Variants in MCPH1 observed in about 807,000 individuals in gnomAD.
The protein encoded by MCPH1 is microcephalin 1.
MCPH1 carries 104 observed loss-of-function variants against 84.5 expected under a neutral mutation model. That is an observed-to-expected ratio of 1.23 (90% CI 1.05 to 1.45). MCPH1 has a LOEUF of 1.45. MCPH1 is among the 40% of genes most tolerant of loss of function. The probability of loss-of-function intolerance (pLI) is 0.00; values close to 1 mark genes in which losing one functional copy is unlikely to be tolerated. For missense variants in MCPH1, 1,498 were observed against 1,005.7 expected, an observed-to-expected ratio of 1.49 and a Z score of -6.62; for synonymous variants, 514 against 366.8, an observed-to-expected ratio of 1.40 and a Z score of -4.58.
At chr8:6,422,326 G>A (rs1404266683) in intron 3 of MCPH1, among the ~76,000 whole-genome samples, 1 of 100,738 alleles carries the variant, frequency 9.9e-6, no homozygotes, top group African/African-American at 2.6e-5. Context: ...AAATATCATG[G>A]GGGAAAATGA....
intron 4 of MCPH1, among the ~76,000 whole-genome samples, chr8:6,434,203 G>A (rs1421898814): frequency 1.3e-5 from 2 of 152,194 alleles, no homozygotes; most frequent in Non-Finnish European, 2.9e-5. Context: ...TGCTAGAGAA[G>A]ATTCACAGGA....
intron 8 of MCPH1, chr8:6,446,564 T>G: frequency 1.0e-6 from 1 of 982,702 alleles, no homozygotes; most frequent in African/African-American, 1.7e-5. Flanking sequence ...GACAAGAAAC[T>G]GTATTTTATG....
At chr8:6,591,867 A>G (rs921323231) in intron 12 of MCPH1, among the ~76,000 whole-genome samples, 2 of 152,196 alleles carry the variant, frequency 1.3e-5, no homozygotes, top group South Asian at 2.1e-4. Flanking sequence ...AAGTGAGTCT[A>G]TCTATATGTA....
At chr8:6,505,306 TA>T (rs1813210149) in intron 12 of MCPH1, among the ~76,000 whole-genome samples, 1 of 55,108 alleles carries the variant, frequency 1.8e-5, no homozygotes, top group African/African-American at 9.3e-5. Flanking sequence ...TATATATGTA[TA>T]TAACATATAT....
At chr8:6,598,251 G>A (rs1829078046) in intron 12 of MCPH1, among the ~76,000 whole-genome samples, 1 of 152,192 alleles carries the variant, frequency 6.6e-6, no homozygotes, top group Admixed American at 6.5e-5. Context: ...GAGCCAGGGT[G>A]GGGAAGAGGG....
At chr8:6,581,440 G>A (rs1374143913) in intron 12 of MCPH1, among the ~76,000 whole-genome samples, 1 of 152,190 alleles carries the variant, frequency 6.6e-6, no homozygotes, top group Non-Finnish European at 1.5e-5. Context: ...ATCATGTGGT[G>A]AATATGATCA....
chr8:6,639,958 C>G (rs1465717412), intron 13 of MCPH1, among the ~76,000 whole-genome samples: 1 of 152,036 alleles, frequency 6.6e-6, no homozygotes, highest in Non-Finnish European at 1.5e-5. Context: ...AGGCTGGCCT[C>G]AAACTCTTGG....
chr8:6,542,208 G>C (rs557003989), intron 12 of MCPH1, among the ~76,000 whole-genome samples: 1 of 152,198 alleles, frequency 6.6e-6, no homozygotes, highest in Non-Finnish European at 1.5e-5. Context: ...AAATGTCTCA[G>C]TGTTTTTCTA....
At chr8:6,527,446 C>G in intron 12 of MCPH1, 5 of 1,382,724 alleles carry the variant, frequency 3.6e-6, no homozygotes, top group Non-Finnish European at 4.9e-6. Context: ...CTGACCCTTA[C>G]ACTAGACATG....
intron 13 of MCPH1, among the ~76,000 whole-genome samples, chr8:6,631,814 G>T (rs1201774264): frequency 6.6e-6 from 1 of 152,200 alleles, no homozygotes; most frequent in Non-Finnish European, 1.5e-5. Context: ...ATTACTGTAT[G>T]ATCCAACAAT....
At position 6,445,455 on chromosome 8, in the gene MCPH1, C is replaced by T. The variant is rs916159570; in HGVS notation, c.1733C>T (p.Ala578Val). ...ATATCAAACTCCTCTGAAGGCGAAG[C>T]CCAGAGTGAACATGAGCCATGTTTT... is the stretch of plus-strand genomic sequence containing the variant. ...SKISNSSEGE[A>V]QSEHEPCFIV... Residue 578 changes from alanine to valine, a missense_variant, in exon 8 of 14, where the codon GCC becomes GTC. By Grantham distance (64) the Ala-to-Val change is moderately conservative. Coordinates refer to ENST00000344683, the MANE Select transcript of MCPH1 (RefSeq NM_024596.5). The T allele has an allele frequency of 1.2e-6, 2 of 1,614,176 alleles. No homozygotes were observed. The highest frequency in any genetic ancestry group is 1.7e-5 in the Admixed American group (1 of 60,024).
chr8:6,605,251 T>G (rs1387548449), intron 12 of MCPH1, among the ~76,000 whole-genome samples: 5 of 152,180 alleles, frequency 3.3e-5, no homozygotes, highest in Non-Finnish European at 5.9e-5. Flanking sequence ...CCAGCTAGAA[T>G]CTGTCCTTCC....
chr8:6,601,626 A>G (rs993500148), intron 12 of MCPH1, among the ~76,000 whole-genome samples: 7 of 150,580 alleles, frequency 4.6e-5, no homozygotes, highest in Admixed American at 2.0e-4. Flanking sequence ...ACCCACCCAC[A>G]TGCACACCAT....
chr8:6,583,817 T>TTA (rs1288449606), intron 12 of MCPH1, among the ~76,000 whole-genome samples: 1 of 151,840 alleles, frequency 6.6e-6, no homozygotes, highest in Non-Finnish European at 1.5e-5. Context: ...CGGAGTCTTT[T>TTA]TTTTTTTTTC....
chr8:6,442,592 G>A (rs1274840012), intron 7 of MCPH1, among the ~76,000 whole-genome samples: 1 of 152,216 alleles, frequency 6.6e-6, no homozygotes, highest in Non-Finnish European at 1.5e-5. Context: ...CTAATTAGAA[G>A]CAGAAAGAAC....
intron 4 of MCPH1, among the ~76,000 whole-genome samples, 164 bp downstream of exon 4, chr8:6,431,750 G>A (rs1358596149): frequency 6.6e-6 from 1 of 152,102 alleles, no homozygotes; most frequent in Non-Finnish European, 1.5e-5. Context: ...GAATTACAGA[G>A]ATTATTTTAT....
chr8:6,586,427 C>T (rs1209459571), intron 12 of MCPH1, among the ~76,000 whole-genome samples: 4 of 152,242 alleles, frequency 2.6e-5, no homozygotes, highest in African/African-American at 7.2e-5. Context: ...CCAGCCTCCA[C>T]GCTTCCCTGT....
chr8:6,414,867 G>C lies in MCPH1; in HGVS notation c.217G>C (p.Val73Leu), dbSNP rs376364603. ...AQKRGVKLVS[V>L]LWVEKCRTAG... ...GAAGAGAGGCGTAAAGCTCGTTTCG[G>C]TGCTCTGGGTGGAAAAGTAAGCAGT... The change falls in exon 3 of 14, where the codon GTG becomes CTG. Residue 73 changes from valine (V) to leucine (L), a missense_variant. Transcript: ENST00000344683. The C allele has an allele frequency of 1.9e-6, 3 of 1,613,518 alleles. No homozygotes were observed. In the African/African-American group the frequency reaches 4.0e-5, roughly 22 times the overall value.
At chr8:6,436,950 A>G (rs1802737334) in intron 5 of MCPH1, among the ~76,000 whole-genome samples, 1 of 152,072 alleles carries the variant, frequency 6.6e-6, no homozygotes, top group African/African-American at 2.4e-5. Context: ...AGCCTGGGCA[A>G]CAGAGTGAGA....
Sources: allele counts gnomAD v4.1 joint callset (sites outside exome capture counted in the v4.1 genomes callset), GRCh38; gene constraint gnomAD v4.1.1; transcripts MANE v1.5; gene names NCBI Gene and HGNC (gene_info 2026-07-23, HGNC 2026-07-21).